Variants in C2orf74 observed in about 807,000 individuals in gnomAD.
The protein encoded by C2orf74 is uncharacterized protein C2orf74.
C2orf74 carries 14 observed loss-of-function variants against 17.9 expected under a neutral mutation model. That is an observed-to-expected ratio of 0.78 (90% CI 0.52 to 1.22). The LOEUF (loss-of-function observed/expected upper bound fraction) is 1.22. Ranked by LOEUF, C2orf74 falls within the 50% of genes most tolerant of loss-of-function variation. C2orf74 has a pLI of 0.00. For synonymous variants in C2orf74, 79 were observed against 72.6 expected (o/e 1.09, Z -0.44); for missense variants, 217 against 218.4 (o/e 0.99, Z 0.04).
chr2:61,156,999 C>T lies in C2orf74; in HGVS notation c.-121-5843C>T, dbSNP rs546367223. Reference sequence around the variant, plus strand: ...CTATAGATAACACTTAGAGTAGCACCAGTTGACCAGATCCCTCAAATATTT... The same window carrying T: ...CTATAGATAACACTTAGAGTAGCACTAGTTGACCAGATCCCTCAAATATTT... On this transcript the variant is annotated intron_variant, in intron 1 of 3. Coordinates refer to the C2orf74 transcript ENST00000426997. Among the ~76,000 whole-genome samples, 23 of 152,190 alleles carry T rather than the reference C, an allele frequency of 1.5e-4. No individual in the cohort carries two copies. The South Asian group carries it at 4.8e-3, about 32-fold the overall frequency.
At chr2:61,159,204 G>A (rs796566467), upstream of C2orf74, 30 of 249,632 alleles carry the variant, frequency 1.2e-4, no homozygotes, top group East Asian at 2.3e-3. Context: ...CACCATGTTA[G>A]CCAGGATGGC....
chr2:61,156,531 G>A (rs1685396247), intron 1 of C2orf74, among the ~76,000 whole-genome samples: 1 of 152,134 alleles, frequency 6.6e-6, no homozygotes, highest in South Asian at 2.1e-4. Flanking sequence ...GTAGTCACAT[G>A]TATATGTACA....
intron 1 of C2orf74, among the ~76,000 whole-genome samples, chr2:61,145,475 G>C (rs554865093): frequency 7.8e-4 from 118 of 152,234 alleles, no homozygotes; most frequent in African/African-American, 2.7e-3. Flanking sequence ...CCAAGCTGGA[G>C]TGCAGTAATG....
chr2:61,161,687 G>A (rs1685567158), upstream of C2orf74: 1 of 152,166 alleles, frequency 6.6e-6, no homozygotes, highest in Admixed American at 6.6e-5. Flanking sequence ...TTGGTCTATA[G>A]CTTTCTTTTT....
rs552529379 is a variant in C2orf74 at position 61,153,844 on chromosome 2, G to A, written c.-122+8648G>A. On this transcript the variant is annotated intron_variant, in intron 1 of 3. Coordinates refer to the C2orf74 transcript ENST00000426997. ...GCAGAGGTTGCAGTGAGCTGAGATC[G>A]TGCCACTACATTCCAGCCTGGGTGA... 2.6e-4 allele frequency among the ~76,000 whole-genome samples: 38 copies of A among 147,338 alleles called. No individual in the cohort carries two copies. The East Asian group carries it at 8.1e-3, about 31-fold the overall frequency.
At position 61,163,237 on chromosome 2, in the gene C2orf74, T is replaced by C; in HGVS notation, c.390+5T>C. ...GGAGAAACTGGTCAAGAAGAGGTGA[T>C]GTGTTTTTCTACTCTCAAAGAGCAG... is the stretch of plus-strand genomic sequence containing the variant. On this transcript the variant is annotated splice_donor_5th_base_variant and intron_variant, in intron 4 of 4. Coordinates refer to ENST00000432605, the MANE Select transcript of C2orf74 (RefSeq NM_001143959.4). 13 of 1,548,998 alleles carry C rather than the reference T, an allele frequency of 8.4e-6. No homozygotes were observed. The highest frequency in any genetic ancestry group is 1.1e-5 in the Non-Finnish European group (13 of 1,146,178).
intron 1 of C2orf74, among the ~76,000 whole-genome samples, chr2:61,147,520 CT>C (rs1005230927): frequency 1.3e-5 from 2 of 151,968 alleles, no homozygotes; most frequent in Non-Finnish European, 2.9e-5. Context: ...TGACAGACTA[CT>C]TTTTTTTGTC....
intron 1 of C2orf74, among the ~76,000 whole-genome samples, chr2:61,155,171 G>T (rs1685356575): frequency 6.6e-6 from 1 of 152,158 alleles, no homozygotes. Context: ...TGATTCAGGG[G>T]TTTCTTTTAA....
chr2:61,149,703 C>T (rs1685171313), intron 1 of C2orf74, among the ~76,000 whole-genome samples: 1 of 151,504 alleles, frequency 6.6e-6, no homozygotes. Context: ...CTCAGCCTCA[C>T]AAGTAGCTGG....
intron 1 of C2orf74, among the ~76,000 whole-genome samples, chr2:61,147,125 T>A (rs1165423190): frequency 6.6e-6 from 1 of 150,392 alleles, no homozygotes. Context: ...GCTGAGATCC[T>A]GCCACTGCAC....
chr2:61,149,700 T>A (rs1685171175), intron 1 of C2orf74, among the ~76,000 whole-genome samples: 1 of 149,284 alleles, frequency 6.7e-6, no homozygotes, highest in African/African-American at 2.5e-5. Flanking sequence ...TGCCTCAGCC[T>A]CACAAGTAGC....
At chr2:61,149,160 T>C (rs982401552) in intron 1 of C2orf74, among the ~76,000 whole-genome samples, 1 of 152,090 alleles carries the variant, frequency 6.6e-6, no homozygotes, top group Non-Finnish European at 1.5e-5. Flanking sequence ...CCAAAAAATA[T>C]CTCCCCTCTG....
rs1685676894 is a variant in C2orf74 at position 61,164,654 on chromosome 2, T to A, written c.*127T>A. 1 of 832,454 alleles carries A rather than the reference T, an allele frequency of 1.2e-6. No homozygotes were observed. Among genetic ancestry groups the A allele is most frequent in the Non-Finnish European group, 1.7e-6 (1 of 584,522 alleles). 51.6% of individuals were successfully genotyped at this position (832,454 alleles called of 1,614,324 possible). A position where few individuals can be genotyped will look rare whatever the true frequency, so the allele number is the denominator to read the frequency against. ...AAGCAAATAAAGATATTATTTTACC[T>A]TTGTGCAGAAAGGAGTGAGCCATGT... On this transcript the variant is annotated 3_prime_UTR_variant, in exon 5 of 5. Coordinates refer to ENST00000432605, the MANE Select transcript of C2orf74 (RefSeq NM_001143959.4).
upstream of C2orf74, among the ~76,000 whole-genome samples, chr2:61,158,454 T>G (rs1007959626): frequency 6.6e-6 from 1 of 152,204 alleles, no homozygotes; most frequent in Non-Finnish European, 1.5e-5. Flanking sequence ...GTTTTCTATA[T>G]CAAGTGAGAA....
At chr2:61,145,459 T>C (rs1685040051) in intron 1 of C2orf74, among the ~76,000 whole-genome samples, 1 of 152,164 alleles carries the variant, frequency 6.6e-6, no homozygotes, top group South Asian at 2.1e-4. Context: ...TGGAGTCCTG[T>C]GTTGCCCAAG....
At chr2:61,164,266 T>C in intron 4 of C2orf74, 88 bp from the exon 5 acceptor site, 1 of 1,065,632 alleles carries the variant, frequency 9.4e-7, no homozygotes, top group Non-Finnish European at 1.3e-6. Flanking sequence ...CTGTTTCTCG[T>C]TAAGTGTACA....
At chr2:61,162,634 G>A in intron 2 of C2orf74, 25 bp downstream of exon 2, 1 of 1,403,760 alleles carries the variant, frequency 7.1e-7, no homozygotes, top group East Asian at 2.5e-5. Flanking sequence ...TGATAATTGG[G>A]ATCAGATTTC....
chr2:61,148,343 C>T (rs538068518), intron 1 of C2orf74, among the ~76,000 whole-genome samples: 23 of 151,568 alleles, frequency 1.5e-4, no homozygotes, highest in Middle Eastern at 3.4e-3. Context: ...CCTGCCACCA[C>T]GTCCAGCAAA....
chr2:61,164,634 A>G lies in C2orf74; in HGVS notation c.*107A>G. The G allele has an allele frequency of 1.1e-6, 1 of 927,778 alleles. No individual in the cohort carries two copies. Among genetic ancestry groups the G allele is most frequent in the Non-Finnish European group, 1.5e-6 (1 of 669,812 alleles). 57.5% of individuals were successfully genotyped at this position (927,778 alleles called of 1,614,324 possible). On this transcript the variant is annotated 3_prime_UTR_variant, in exon 5 of 5. Coordinates refer to ENST00000432605, the MANE Select transcript of C2orf74 (RefSeq NM_001143959.4). ...CAACAAAACAATGGGGAATTAAGCA[A>G]ATAAAGATATTATTTTACCTTTGTG...
Sources: gnomAD v4.1 joint callset for allele counts (sites outside exome capture counted in the v4.1 genomes callset) on GRCh38, gnomAD v4.1.1 for gene constraint, MANE v1.5 for transcripts, NCBI Gene and HGNC (gene_info 2026-07-23, HGNC 2026-07-21) for gene names.